The following PPARGC1A variants were observed in gnomAD, a reference collection of about 807,000 sequenced individuals.
PPARGC1A encodes the protein peroxisome proliferator-activated receptor gamma coactivator 1-alpha.
PPARGC1A carries 25 observed loss-of-function variants against 88.7 expected under a neutral mutation model. The observed-to-expected ratio is 0.28, with a 90% CI of 0.21 to 0.39. The LOEUF (loss-of-function observed/expected upper bound fraction) is 0.39. Among genes scored for constraint, PPARGC1A ranks in the 10% least tolerant of loss-of-function variants. The pLI is 1.00. For synonymous variants in PPARGC1A, 363 were observed against 355.6 expected (o/e 1.02, Z -0.24); for missense variants, 880 against 968.7 (o/e 0.91, Z 1.22).
chr4:24,043,358 T>C, the PPARGC1A span, among the ~76,000 whole-genome samples: 1 of 152,152 alleles, frequency 6.6e-6, no homozygotes, highest in Non-Finnish European at 1.5e-5. Context: ...CATGCCCTAC[T>C]GAAAGAAGAA....
At chr4:24,097,958 T>G in the PPARGC1A span, among the ~76,000 whole-genome samples, 1 of 152,226 alleles carries the variant, frequency 6.6e-6, no homozygotes, top group African/African-American at 2.4e-5. Context: ...TTCATTTGCA[T>G]TTGTCCCGGT....
At chr4:23,852,781 T>C (rs2148670711) in intron 2 of PPARGC1A, among the ~76,000 whole-genome samples, 1 of 152,326 alleles carries the variant, frequency 6.6e-6, no homozygotes, top group South Asian at 2.1e-4. Context: ...GCCTAGTTTT[T>C]ATCTTTTCGT....
At chr4:24,273,117 A>C in the PPARGC1A span, among the ~76,000 whole-genome samples, 1 of 152,098 alleles carries the variant, frequency 6.6e-6, no homozygotes, top group South Asian at 2.1e-4. Flanking sequence ...CATCGTTTAA[A>C]GCAAATGTTC....
At chr4:24,420,080 A>G in the PPARGC1A span, among the ~76,000 whole-genome samples, 1 of 152,246 alleles carries the variant, frequency 6.6e-6, no homozygotes, top group Non-Finnish European at 1.5e-5. Context: ...ATGCCATCAG[A>G]CACTTATAAC....
the PPARGC1A span, among the ~76,000 whole-genome samples, chr4:24,237,818 C>G: frequency 1.3e-5 from 2 of 152,136 alleles, no homozygotes; most frequent in Non-Finnish European, 2.9e-5. Flanking sequence ...TCTAGCCTGT[C>G]ATTTTTCGAA....
the PPARGC1A span, among the ~76,000 whole-genome samples, chr4:24,160,825 A>G: frequency 6.6e-6 from 1 of 152,190 alleles, no homozygotes; most frequent in Non-Finnish European, 1.5e-5. Flanking sequence ...CAATTTAGAA[A>G]TATGCTTTGA....
the PPARGC1A span, among the ~76,000 whole-genome samples, chr4:24,035,453 A>T: frequency 4.7e-3 from 712 of 152,186 alleles, 7 homozygotes; most frequent in African/African-American, 0.016. Context: ...AGGCACAAGA[A>T]TTGTTTGAAC....
chr4:24,103,147 T>G, the PPARGC1A span, among the ~76,000 whole-genome samples: 1 of 152,122 alleles, frequency 6.6e-6, no homozygotes, highest in Non-Finnish European at 1.5e-5. Context: ...ATTTTGCAGA[T>G]GAGGACACCG....
chr4:24,222,674 A>G, the PPARGC1A span, among the ~76,000 whole-genome samples: 2 of 152,228 alleles, frequency 1.3e-5, no homozygotes, highest in Non-Finnish European at 2.9e-5. Flanking sequence ...GCAAAAGTCT[A>G]ATTAAATTTG....
chr4:24,037,411 G>A, the PPARGC1A span, among the ~76,000 whole-genome samples: 56 of 152,092 alleles, frequency 3.7e-4, no homozygotes, highest in Admixed American at 3.9e-4. Flanking sequence ...CCTTCTTCCC[G>A]AGCTCACCTT....
the PPARGC1A span, among the ~76,000 whole-genome samples, chr4:24,079,740 C>T: frequency 1.2e-3 from 188 of 152,016 alleles, no homozygotes; most frequent in African/African-American, 4.1e-3. Context: ...TACACTTTTC[C>T]GCCTGAAATT....
At chr4:24,107,442 T>G in the PPARGC1A span, among the ~76,000 whole-genome samples, 420 of 152,320 alleles carry the variant, frequency 2.8e-3, 5 homozygotes, top group East Asian at 0.052. Context: ...TGAATGGCAG[T>G]GGGTATGTCA....
chr4:24,385,606 A>G, the PPARGC1A span, among the ~76,000 whole-genome samples: 31 of 152,222 alleles, frequency 2.0e-4, no homozygotes, highest in African/African-American at 7.2e-4. Context: ...AGAGAATACT[A>G]TAAACACCTC....
chr4:24,402,077 A>AG, the PPARGC1A span, among the ~76,000 whole-genome samples: 3 of 152,178 alleles, frequency 2.0e-5, no homozygotes, highest in Admixed American at 6.5e-5. Context: ...ACCCCAGTCA[A>AG]GGGAAGCGCT....
In PPARGC1A at chr4:23,859,780, C is replaced by CAAAATAAAATAAAATAAAAT. The variant is rs66852812; in HGVS notation, c.234+24952_234+24971dup. On this transcript the variant is annotated intron_variant, in intron 2 of 12. Transcript: ENST00000264867. Reference sequence around the variant, plus strand: ...TGGGAGAGAGTGCAAGACACCGTCTCAAAATAAAATAAAATAAAATAAAAT... The same window carrying CAAAATAAAATAAAATAAAAT: ...TGGGAGAGAGTGCAAGACACCGTCTCAAAATAAAATAAAATAAAATAAAATAAAATAAAATAAAATAAAAT... Among the ~76,000 whole-genome samples, 6 of 118,544 alleles carry CAAAATAAAATAAAATAAAAT rather than the reference C, an allele frequency of 5.1e-5. No individual in the cohort carries two copies. In the East Asian group the frequency reaches 1.3e-3, roughly 26 times the overall value. 77.8% of individuals were successfully genotyped at this position (118,544 alleles called of 152,430 possible). A position where few individuals can be genotyped will look rare whatever the true frequency, so the allele number is the denominator to read the frequency against.
the PPARGC1A span, among the ~76,000 whole-genome samples, chr4:24,391,199 G>A: frequency 2.6e-5 from 4 of 152,202 alleles, no homozygotes; most frequent in African/African-American, 7.2e-5. Context: ...ATACACACAA[G>A]AGTGATCTCC....
the PPARGC1A span, among the ~76,000 whole-genome samples, chr4:24,443,508 C>T: frequency 2.6e-5 from 4 of 152,102 alleles, no homozygotes; most frequent in African/African-American, 9.7e-5. Flanking sequence ...GGAAACCACA[C>T]CAAAGGCAAT....
the PPARGC1A span, among the ~76,000 whole-genome samples, chr4:24,121,897 T>C: frequency 1.3e-5 from 2 of 152,190 alleles, no homozygotes; most frequent in Non-Finnish European, 2.9e-5. Flanking sequence ...TTTTAGCATC[T>C]TAACCCTGAA....
At chr4:24,015,289 G>GAGGTAC in the PPARGC1A span, among the ~76,000 whole-genome samples, 41 of 152,174 alleles carry the variant, frequency 2.7e-4, no homozygotes, top group Non-Finnish European at 2.9e-4. Flanking sequence ...GATAGAGATA[G>GAGGTAC]AGGTACAGGT....
Sources: gnomAD v4.1 joint callset for allele counts (sites outside exome capture counted in the v4.1 genomes callset) on GRCh38, gnomAD v4.1.1 for gene constraint, MANE v1.5 for transcripts, NCBI Gene and HGNC (gene_info 2026-07-23, HGNC 2026-07-21) for gene names.